Variants in SYT16 observed in about 807,000 individuals in gnomAD.
SYT16 encodes synaptotagmin 16, also known as synaptotagmin-16.
A neutral mutation model predicts 61.4 loss-of-function variants in SYT16; 42 were observed. That is an observed-to-expected ratio of 0.68 (90% CI 0.53 to 0.89). The LOEUF (loss-of-function observed/expected upper bound fraction) is 0.89. SYT16 is among the 40% of genes least tolerant of loss of function. The pLI, the probability that SYT16 is intolerant of heterozygous loss-of-function variation, is 0.00. For missense variants in SYT16, 804 were observed against 807.3 expected, an observed-to-expected ratio of 1.00 and a Z score of 0.05; for synonymous variants, 314 against 302.3, an observed-to-expected ratio of 1.04 and a Z score of -0.40.
At chr14:62,005,125 G>A (rs2053170071) in intron 3 of SYT16, among the ~76,000 whole-genome samples, 1 of 152,178 alleles carries the variant, frequency 6.6e-6, no homozygotes, top group African/African-American at 2.4e-5. Flanking sequence ...ACAGATTGGT[G>A]AGGATGGAAG....
At chr14:61,945,853 C>G (rs540601810) in intron 1 of SYT16, among the ~76,000 whole-genome samples, 2,605 of 71,116 alleles carry the variant, frequency 0.037, 53 homozygotes, top group Middle Eastern at 0.093. Flanking sequence ...GAGACTCCGT[C>G]TCAAAAAAAA....
intron 2 of SYT16, among the ~76,000 whole-genome samples, chr14:61,985,839 G>T (rs1250084026): frequency 6.6e-6 from 1 of 152,096 alleles, no homozygotes; most frequent in Non-Finnish European, 1.5e-5. Flanking sequence ...ATGGCTGCTA[G>T]ATGCTACAAT....
At chr14:61,976,894 T>G (rs1385435888) in intron 2 of SYT16, among the ~76,000 whole-genome samples, 1 of 152,012 alleles carries the variant, frequency 6.6e-6, no homozygotes, top group Non-Finnish European at 1.5e-5. Context: ...TATTGCATAG[T>G]CAGGATGCAC....
chr14:62,034,889 G>C (rs1169185234), intron 3 of SYT16, among the ~76,000 whole-genome samples: 2 of 152,110 alleles, frequency 1.3e-5, no homozygotes, highest in Admixed American at 6.5e-5. Context: ...TTTAAAAAAG[G>C]CTTCCTCACA....
chr14:61,946,344 C>T (rs761321517), intron 1 of SYT16, among the ~76,000 whole-genome samples: 2 of 152,030 alleles, frequency 1.3e-5, no homozygotes, highest in Non-Finnish European at 2.9e-5. Flanking sequence ...ACAATAAGTA[C>T]ACATGGATAT....
intron 1 of SYT16, among the ~76,000 whole-genome samples, chr14:61,966,879 A>T (rs889421316): frequency 2.2e-4 from 33 of 152,206 alleles, no homozygotes; most frequent in Non-Finnish European, 3.5e-4. Flanking sequence ...GTGTTGTAAC[A>T]TAGAAGAGTT....
Position 62,055,137 on chromosome 14 carries a change from GC to G in SYT16, c.524-14465del, listed in dbSNP as rs780179690. On this transcript the variant is annotated intron_variant, in intron 3 of 7. Transcript: ENST00000683842. ...AACCGTTTGGTTTTGTGTTTTCTCT[GC>G]ATGTGCAGAAATTTAATTATCAGGT... is the stretch of plus-strand genomic sequence containing the variant. Among the ~76,000 whole-genome samples the G allele has an allele frequency of 5.4e-4, 82 of 152,340 alleles. 1 individual carries two copies. Among genetic ancestry groups the G allele is most frequent in the Middle Eastern group, 3.4e-3 (1 of 294 alleles).
intron 1 of SYT16, among the ~76,000 whole-genome samples, chr14:61,887,168 C>G (rs1278251762): frequency 6.6e-6 from 1 of 152,236 alleles, no homozygotes; most frequent in African/African-American, 2.4e-5. Context: ...TCTATCAGAG[C>G]TCTTGGGTGA....
intron 1 of SYT16, chr14:61,831,913 CA>C (rs1452490955): frequency 2.0e-6 from 1 of 505,780 alleles, no homozygotes; most frequent in Admixed American, 2.8e-5. Context: ...CGAAGCCCTG[CA>C]GGGGTTCACC....
At chr14:62,091,962 T>G (rs910309311) in intron 7 of SYT16, among the ~76,000 whole-genome samples, 1 of 152,078 alleles carries the variant, frequency 6.6e-6, no homozygotes, top group African/African-American at 2.4e-5. Flanking sequence ...GATAACAAAC[T>G]AATATCCAGA....
chr14:62,045,064 G>A (rs1001248734), intron 3 of SYT16, among the ~76,000 whole-genome samples: 2 of 152,148 alleles, frequency 1.3e-5, no homozygotes, highest in Non-Finnish European at 2.9e-5. Context: ...CTTGAACCTT[G>A]GAGGCAGAGG....
At chr14:61,939,181 C>T (rs999973650) in intron 1 of SYT16, among the ~76,000 whole-genome samples, 1 of 152,068 alleles carries the variant, frequency 6.6e-6, no homozygotes, top group Non-Finnish European at 1.5e-5. Context: ...TGAACCAGGG[C>T]ATTATGTGTC....
chr14:61,845,826 T>C (rs1475250099), intron 1 of SYT16, among the ~76,000 whole-genome samples: 1 of 152,204 alleles, frequency 6.6e-6, no homozygotes, highest in Non-Finnish European at 1.5e-5. Flanking sequence ...ACTTCCCTCT[T>C]AGTATTGTTT....
chr14:61,987,809 TTAAC>T (rs757930800), intron 2 of SYT16, among the ~76,000 whole-genome samples: 10 of 152,068 alleles, frequency 6.6e-5, no homozygotes, highest in South Asian at 2.1e-4. Context: ...ATAAAAAACT[TTAAC>T]AAACACTGAA....
chr14:61,922,213 C>T (rs1199863152), intron 1 of SYT16, among the ~76,000 whole-genome samples: 1 of 152,170 alleles, frequency 6.6e-6, no homozygotes, highest in East Asian at 1.9e-4. Context: ...AATCATTCTA[C>T]CATAAAGTCA....
chr14:62,048,293 T>G (rs1354269229), intron 3 of SYT16, among the ~76,000 whole-genome samples: 8 of 152,126 alleles, frequency 5.3e-5, no homozygotes, highest in Non-Finnish European at 8.8e-5. Flanking sequence ...TCTGATGGTA[T>G]TTTGTATTTC....
chr14:62,048,145 A>C (rs190356613), intron 3 of SYT16, among the ~76,000 whole-genome samples: 22 of 152,288 alleles, frequency 1.4e-4, no homozygotes, highest in African/African-American at 5.3e-4. Flanking sequence ...TTATTGCCTC[A>C]ATTTCAGAAT....
chr14:61,928,860 A>G (rs1344500241), intron 1 of SYT16, among the ~76,000 whole-genome samples: 1 of 152,188 alleles, frequency 6.6e-6, no homozygotes, highest in African/African-American at 2.4e-5. Flanking sequence ...AAATATGGAT[A>G]AAAGCACGTC....
intron 1 of SYT16, among the ~76,000 whole-genome samples, chr14:61,922,190 C>A (rs760899473): frequency 2.6e-5 from 4 of 152,108 alleles, no homozygotes; most frequent in Non-Finnish European, 5.9e-5. Context: ...GGGTATATAC[C>A]CAAAGAAATA....
Sources: allele counts gnomAD v4.1 joint callset (sites outside exome capture counted in the v4.1 genomes callset), GRCh38; gene constraint gnomAD v4.1.1; transcripts MANE v1.5; gene names NCBI Gene and HGNC (gene_info 2026-07-23, HGNC 2026-07-21).